The following CTBP1 variants were observed in gnomAD, a reference collection of about 807,000 sequenced individuals.
CTBP1 encodes the protein C-terminal binding protein 1.
CTBP1 carries 11 observed loss-of-function variants against 42.1 expected under a neutral mutation model. That is an observed-to-expected ratio of 0.26 (90% CI 0.16 to 0.43). The LOEUF is 0.43. Among genes scored for constraint, CTBP1 ranks in the 20% least tolerant of loss-of-function variants. The pLI is 1.00. For synonymous variants in CTBP1, 324 were observed against 277.1 expected (o/e 1.17, Z -1.68); for missense variants, 399 against 624.3 (o/e 0.64, Z 3.85).
chr4:1,223,266 G>GT (rs1358189177), intron 5 of CTBP1, among the ~76,000 whole-genome samples: 2 of 152,080 alleles, frequency 1.3e-5, no homozygotes, highest in Non-Finnish European at 2.9e-5. Flanking sequence ...ATGGGCAGAG[G>GT]TGTGAGGAAC....
rs1238289131 is a variant in CTBP1 at position 1,233,387 on chromosome 4, C to T, written c.162+4796G>A. ...TCTGGTGGCCTCCCCACCCCCAAGG[C>T]GTGGAGATGCTTGTCTTGCAGGAGT... On this transcript the variant is annotated intron_variant, in intron 3 of 9. Coordinates refer to ENST00000382952, the MANE Select transcript of CTBP1 (RefSeq NM_001012614.2). This position sits in a 1 kb window ranked among gnomAD's most constrained non-coding sequence, Gnocchi z 4.6. Among the ~76,000 whole-genome samples the T allele has an allele frequency of 1.3e-5, 2 of 152,220 alleles. No homozygotes were observed. Among genetic ancestry groups the T allele is most frequent in the African/African-American group, 4.8e-5 (2 of 41,462 alleles).
intron 5 of CTBP1, 79 bp from the exon 6 acceptor site, chr4:1,216,284 G>A (rs1213226311): frequency 1.4e-6 from 2 of 1,392,856 alleles, no homozygotes; most frequent in African/African-American, 2.9e-5. Flanking sequence ...GGGTCGGAGT[G>A]GCCTCTGTGC....
intron 3 of CTBP1, among the ~76,000 whole-genome samples, chr4:1,228,815 T>C (rs1474935776): frequency 6.6e-6 from 1 of 151,788 alleles, no homozygotes; most frequent in East Asian, 1.9e-4. Flanking sequence ...GGGATGCAGG[T>C]AGAAAGTGGT....
chr4:1,228,153 G>C, intron 4 of CTBP1, 46 bp downstream of exon 4: 1 of 1,604,604 alleles, frequency 6.2e-7, no homozygotes, highest in Non-Finnish European at 8.5e-7. Flanking sequence ...AAGACGGGAC[G>C]GAGCTTGCAT....
chr4:1,228,144 A>AGACGG lies in CTBP1; in HGVS notation c.307+50_307+54dup, dbSNP rs1165860492. 5 of 1,598,976 alleles carry AGACGG rather than the reference A, an allele frequency of 3.1e-6. No individual in the cohort carries two copies. In the African/African-American group the frequency reaches 6.7e-5, roughly 21 times the overall value. ...CAGTGAAGCCTCCATGGACGAAGCA[A>AGACGG]GACGGGACGGAGCTTGCATGAATGG... On this transcript the variant is annotated intron_variant, in intron 4 of 9. Coordinates refer to ENST00000382952, the MANE Select transcript of CTBP1 (RefSeq NM_001012614.2).
Position 1,241,289 on chromosome 4 carries a change from T to C in CTBP1, c.7+36A>G, listed in dbSNP as rs756091389. The C allele has an allele frequency of 3.8e-6, 3 of 794,672 alleles. No individual in the cohort carries two copies. The East Asian group carries it at 7.3e-5, about 19-fold the overall frequency. 49.2% of individuals were successfully genotyped at this position (794,672 alleles called of 1,614,324 possible). On this transcript the variant is annotated intron_variant, in intron 2 of 9. Coordinates refer to ENST00000382952, the MANE Select transcript of CTBP1 (RefSeq NM_001012614.2). The stretch of plus-strand genomic sequence containing the variant: ...CACGGTCGCAAAGAGACCGGCCGGC[T>C]TCACTCTGCCGCCGACGCCAGGAAC...
chr4:1,228,189 G>C lies in CTBP1; in HGVS notation c.307+10C>G, dbSNP rs200720310. Reference sequence around the variant, plus strand: ...GAATGGGCACAGGAGAGAACTCGGAGCCGGCCTACCTAAATCCCCGGCCGA... The same window carrying C: ...GAATGGGCACAGGAGAGAACTCGGACCCGGCCTACCTAAATCCCCGGCCGA... On this transcript the variant is annotated intron_variant, in intron 4 of 9. Transcript: ENST00000382952. 6.2e-7 allele frequency: 1 copy of C among 1,613,948 alleles called. No homozygotes were observed. The highest frequency in any genetic ancestry group is 1.7e-5 in the Admixed American group (1 of 60,010).
rs1732507917 is a variant in CTBP1, at chr4:1,244,365, T to TG, written c.-188-2847dup. On this transcript the variant is annotated intron_variant, in intron 1 of 9. Transcript: ENST00000382952. ...GGGTCTCTGGGCACTGGGGGGGGGG[T>TG]GTTCCAGGAAGTCCCAGGGGGCACC... The TG allele has an allele frequency of 5.8e-5, 45 of 774,078 alleles. 1 individual carries two copies. Among genetic ancestry groups the TG allele is most frequent in the Non-Finnish European group, 6.5e-5 (43 of 660,128 alleles). The allele number at this position is 774,078 out of a possible 1,614,324, so 48.0% of individuals were successfully genotyped here. A position where few individuals can be genotyped will look rare whatever the true frequency, so the allele number is the denominator to read the frequency against.
At chr4:1,215,951 C>T (rs781704682) in intron 6 of CTBP1, 40 bp downstream of exon 6, 2 of 1,564,320 alleles carry the variant, frequency 1.3e-6, no homozygotes, top group Admixed American at 1.9e-5. Flanking sequence ...CCTGTACCTG[C>T]CCCGCAGAAG....
At position 1,242,249 on chromosome 4, in the gene CTBP1, A is replaced by C. The variant is rs1732254009; in HGVS notation, c.-188-730T>G. Reference sequence around the variant, plus strand: ...CAGTAGAGGCTTGAGAGTGCACACGATCGCCCAGCCCTCGGGAGGGTGTCA... The same window carrying C: ...CAGTAGAGGCTTGAGAGTGCACACGCTCGCCCAGCCCTCGGGAGGGTGTCA... On this transcript the variant is annotated intron_variant, in intron 1 of 9. Coordinates refer to ENST00000382952, the MANE Select transcript of CTBP1 (RefSeq NM_001012614.2). The C allele has an allele frequency of 9.1e-6, 9 of 985,242 alleles. No homozygotes were observed. The South Asian group carries it at 3.3e-4, about 36-fold the overall frequency. The allele number at this position is 985,242 out of a possible 1,614,324, so 61.0% of individuals were successfully genotyped here.
At chr4:1,227,521 C>G (rs1730493889) in intron 4 of CTBP1, among the ~76,000 whole-genome samples, 1 of 144,074 alleles carries the variant, frequency 6.9e-6, no homozygotes, top group South Asian at 2.2e-4. Context: ...TGTGCGTGTT[C>G]CATGTGCTGA....
In CTBP1 at chr4:1,213,002, A is replaced by C. The variant is rs780587679; in HGVS notation, c.1017T>G (p.Cys339Trp). The C allele has an allele frequency of 6.2e-7, 1 of 1,613,886 alleles. No individual in the cohort carries two copies. Among genetic ancestry groups the C allele is most frequent in the Admixed American group, 1.7e-5 (1 of 60,010 alleles). ...CGGCTGTCAGATGGTCCTTGTTGAC[A>C]CAGTTCTTCAGGCTGTCTGGGATCC... ...TGRIPDSLKN[C>W]VNKDHLTAAT... The change falls in exon 9 of 10, where the codon TGT becomes TGG. Residue 339 changes from cysteine to tryptophan, a missense_variant. Physicochemically the swap from Cys to Trp is radical, Grantham distance 215. Coordinates refer to ENST00000382952, the MANE Select transcript of CTBP1 (RefSeq NM_001012614.2).
chr4:1,222,616 C>T (rs1217486974), intron 5 of CTBP1, among the ~76,000 whole-genome samples: 1 of 152,166 alleles, frequency 6.6e-6, no homozygotes, highest in East Asian at 1.9e-4. Context: ...CAGGCCTGGG[C>T]GGGGGCCCTG....
chr4:1,228,304 T>C lies in CTBP1; in HGVS notation c.202A>G (p.Ile68Val), dbSNP rs1426626411. Residue 68 changes from isoleucine (I) to valine (V), a missense_variant, in exon 4 of 10, where the codon ATC (isoleucine) becomes GTC (valine). Ile to Val is a conservative substitution (Grantham distance 29). This residue lies in a region of CTBP1 where 309 missense variants were observed against 497.5 expected (regional missense o/e 0.62). Coordinates refer to ENST00000382952, the MANE Select transcript of CTBP1 (RefSeq NM_001012614.2). Reference sequence around the variant, plus strand: ...TCCAGGTCCTCCCTGGTGAGAGTGATGGTGTGGTACATCAGGGCCCCCACA... The same window carrying C: ...TCCAGGTCCTCCCTGGTGAGAGTGACGGTGTGGTACATCAGGGCCCCCACA... ...EAVGALMYHT[I>V]TLTREDLEKF... The C allele has an allele frequency of 6.2e-7, 1 of 1,614,072 alleles. No homozygotes were observed. The highest frequency in any genetic ancestry group is 2.2e-5 in the East Asian group (1 of 44,868).
intron 4 of CTBP1, 102 bp from the exon 5 acceptor site, chr4:1,225,668 A>G (rs1730258575): frequency 7.9e-7 from 1 of 1,266,940 alleles, no homozygotes; most frequent in East Asian, 2.5e-5. Context: ...TTCCCAAGGA[A>G]GAAGCCAAAG....
intron 5 of CTBP1, among the ~76,000 whole-genome samples, chr4:1,220,247 C>T (rs1188797191): frequency 4.1e-5 from 6 of 146,560 alleles, no homozygotes; most frequent in Admixed American, 2.0e-4. Flanking sequence ...GCCGAAATCA[C>T]GCCACTGTAC....
intron 1 of CTBP1, chr4:1,244,557 C>G: frequency 6.1e-6 from 6 of 985,206 alleles, no homozygotes; most frequent in Non-Finnish European, 7.2e-6. Context: ...TCACGACCTC[C>G]ACCAGGACAG....
At chr4:1,225,140 G>A (rs1730188988) in intron 5 of CTBP1, among the ~76,000 whole-genome samples, 1 of 152,164 alleles carries the variant, frequency 6.6e-6, no homozygotes. Flanking sequence ...ATCTGTGTGT[G>A]CCTGTGTGAG....
At chr4:1,247,357 G>A (rs1732822996) in intron 1 of CTBP1, among the ~76,000 whole-genome samples, 3 of 152,160 alleles carry the variant, frequency 2.0e-5, no homozygotes, top group Admixed American at 2.0e-4. Context: ...GGTGCTCAAA[G>A]ATGGGCAACA....
Sources: allele counts gnomAD v4.1 joint callset (sites outside exome capture counted in the v4.1 genomes callset), GRCh38; gene constraint gnomAD v4.1.1; regional missense constraint gnomAD v4.1.1; non-coding constraint Gnocchi (gnomAD v3.1); transcripts MANE v1.5; gene names NCBI Gene and HGNC (gene_info 2026-07-23, HGNC 2026-07-21).